TMEM51: variants seen among roughly 807,000 people sequenced by gnomAD.
TMEM51 encodes the protein transmembrane protein 51, also known as chromosome 1 open reading frame 72.
A neutral mutation model predicts 13.6 loss-of-function variants in TMEM51; 8 were observed. That is an observed-to-expected ratio of 0.59 (90% CI 0.35 to 1.07). The LOEUF (loss-of-function observed/expected upper bound fraction) is 1.07. Among genes scored for constraint, TMEM51 ranks in the 50% least tolerant of loss-of-function variants. The probability of loss-of-function intolerance (pLI) is 0.02; values close to 1 mark genes in which losing one functional copy is unlikely to be tolerated. For missense variants in TMEM51, 279 were observed against 330.7 expected (o/e 0.84, Z 1.21); for synonymous variants, 147 against 144.4 (o/e 1.02, Z -0.13).
At chr1:15,185,269 C>T (rs995726440) in intron 1 of TMEM51, among the ~76,000 whole-genome samples, 1 of 150,486 alleles carries the variant, frequency 6.6e-6, no homozygotes, top group Non-Finnish European at 1.5e-5. Flanking sequence ...GCCACATTGC[C>T]CAAAACTGTA....
intron 1 of TMEM51, among the ~76,000 whole-genome samples, chr1:15,157,530 T>C (rs1385553303): frequency 6.6e-6 from 1 of 152,130 alleles, no homozygotes; most frequent in East Asian, 1.9e-4. Context: ...GGATGATTCT[T>C]GAAAAACAAA....
rs1644407322 is a variant in TMEM51 at position 15,215,156 on chromosome 1, C to T, written c.69C>T (p.Val23=). ...CCGCCATCGGCCTGGGGATGCTGGTCCTTGGGGTGATCATGGCCATGTGGA... is the reference window on the plus strand; with the variant it reads ...CCGCCATCGGCCTGGGGATGCTGGTTCTTGGGGTGATCATGGCCATGTGGA... ...ALTAIGLGML[V]LGVIMAMWNL... Residue 23 remains valine, a synonymous_variant, in exon 3 of 4, where the codon GTC becomes GTT. Coordinates refer to ENST00000376008, the MANE Select transcript of TMEM51 (RefSeq NM_001136218.2). 1.2e-6 allele frequency: 2 copies of T among 1,614,052 alleles called. No individual in the cohort carries two copies. The highest frequency in any genetic ancestry group is 1.7e-5 in the Admixed American group (1 of 60,008).
rs180674783 is a variant in TMEM51, at chr1:15,161,312, G to A, written c.-267+7358G>A. The stretch of plus-strand genomic sequence containing the variant: ...GCTTGAGGTCAGGAGTTCACGACTA[G>A]CCTGGCCAACATGGTGAAACCCCAT... On this transcript the variant is annotated intron_variant, in intron 1 of 3. Coordinates refer to ENST00000376008, the MANE Select transcript of TMEM51 (RefSeq NM_001136218.2). This position sits in a 1 kb window ranked among gnomAD's most constrained non-coding sequence, Gnocchi z 4.0. Among the ~76,000 whole-genome samples, 4 of 151,964 alleles carry A rather than the reference G, an allele frequency of 2.6e-5. No homozygotes were observed. The East Asian group carries it at 7.8e-4, about 29-fold the overall frequency.
chr1:15,170,930 G>A (rs1181753919), intron 1 of TMEM51, among the ~76,000 whole-genome samples: 1 of 151,950 alleles, frequency 6.6e-6, no homozygotes, highest in East Asian at 1.9e-4. Context: ...GGGTTTAACC[G>A]TGTTAATCAG....
At position 15,203,285 on chromosome 1, in the gene TMEM51, G is replaced by A. The variant is rs142361925; in HGVS notation, c.-266-7205G>A. Among the ~76,000 whole-genome samples the A allele has an allele frequency of 2.8e-3, 421 of 152,116 alleles. 12 individuals are homozygous for A. The East Asian group carries it at 0.043, about 15-fold the overall frequency. ...TTTTTTGTTTTTGAGACAGAGTCTC[G>A]CTCTGTCACCCAGGCTGGAGTGCAG... On this transcript the variant is annotated intron_variant, in intron 1 of 3. Coordinates refer to ENST00000376008, the MANE Select transcript of TMEM51 (RefSeq NM_001136218.2).
At position 15,215,234 on chromosome 1, in the gene TMEM51, C is replaced by G. The variant is rs943803085; in HGVS notation, c.147C>G (p.Asn49Lys). ...AGAAGCCAACAGCTCAGGGCAGCAA[C>G]AAGACCGAGGTGGGTGGCGGCATCC... ...AAEKPTAQGS[N>K]KTEVGGGILK... Residue 49 changes from asparagine to lysine, a missense_variant, in exon 3 of 4, where the codon AAC becomes AAG. Coordinates refer to ENST00000376008, the MANE Select transcript of TMEM51 (RefSeq NM_001136218.2). 2 of 1,614,208 alleles carry G rather than the reference C, an allele frequency of 1.2e-6. No individual in the cohort carries two copies. The highest frequency in any genetic ancestry group is 1.7e-6 in the Non-Finnish European group (2 of 1,180,026).
chr1:15,199,901 TC>T (rs979339276), intron 1 of TMEM51, among the ~76,000 whole-genome samples: 10 of 152,098 alleles, frequency 6.6e-5, no homozygotes, highest in African/African-American at 2.4e-4. Context: ...AGCACTTCCT[TC>T]CCGGGGCTGC....
At chr1:15,215,469 G>A (rs1644416804) in intron 3 of TMEM51, 38 bp downstream of exon 3, 1 of 1,539,292 alleles carries the variant, frequency 6.5e-7, no homozygotes, top group Admixed American at 1.8e-5. Flanking sequence ...CCGGATCGGG[G>A]ATGGGCACGC....
intron 1 of TMEM51, chr1:15,192,470 T>TTTA (rs3078880): frequency 6.8e-5 from 17 of 250,822 alleles, no homozygotes; most frequent in African/African-American, 2.9e-4. Context: ...CCTTTTTTTT[T>TTTA]ATGACAGAAT....
At chr1:15,168,593 G>T (rs1392626647) in intron 1 of TMEM51, 2 of 1,304,648 alleles carry the variant, frequency 1.5e-6, no homozygotes, top group Non-Finnish European at 2.0e-6. Context: ...GCCTGGCTGA[G>T]CCAAGAGAGA....
intron 1 of TMEM51, among the ~76,000 whole-genome samples, chr1:15,203,776 T>C (rs947102804): frequency 8.3e-6 from 1 of 120,744 alleles, no homozygotes; most frequent in African/African-American, 2.6e-5. Context: ...TAATCAAAAC[T>C]CTGAGCTCGT....
At chr1:15,163,036 C>G (rs1013430741) in intron 1 of TMEM51, among the ~76,000 whole-genome samples, 4 of 151,928 alleles carry the variant, frequency 2.6e-5, no homozygotes, top group East Asian at 1.9e-4. Flanking sequence ...TTTTATCACA[C>G]TAAAAAGTTG....
chr1:15,164,586 T>C, intron 1 of TMEM51: 1 of 414,364 alleles, frequency 2.4e-6, no homozygotes, highest in South Asian at 1.7e-5. Context: ...ATTTCTCCAC[T>C]GTAAAGTTAC....
intron 1 of TMEM51, among the ~76,000 whole-genome samples, chr1:15,166,043 T>G (rs988729601): frequency 6.6e-6 from 1 of 152,242 alleles, no homozygotes; most frequent in African/African-American, 2.4e-5. Context: ...GATACCATCA[T>G]AGATATTTAT....
At chr1:15,164,016 G>A (rs1190343681) in intron 1 of TMEM51, among the ~76,000 whole-genome samples, 3 of 151,830 alleles carry the variant, frequency 2.0e-5, no homozygotes, top group African/African-American at 7.3e-5. Context: ...TTTTAGTAGA[G>A]ACAGGGTTTC....
intron 1 of TMEM51, among the ~76,000 whole-genome samples, chr1:15,181,653 G>T (rs561312562): frequency 1.3e-5 from 2 of 152,220 alleles, no homozygotes; most frequent in Non-Finnish European, 1.5e-5. Context: ...GCAGGTTCTC[G>T]ACCAGACGGG....
intron 3 of TMEM51, among the ~76,000 whole-genome samples, chr1:15,219,072 C>G (rs1294848159): frequency 9.1e-6 from 1 of 109,492 alleles, no homozygotes; most frequent in East Asian, 3.9e-4. Context: ...TGGGGACTCA[C>G]CTGTCCTGTC....
At chr1:15,183,963 C>T (rs72640801) in intron 1 of TMEM51, among the ~76,000 whole-genome samples, 19,714 of 152,302 alleles carry the variant, frequency 0.13, 1,618 homozygotes, top group Non-Finnish European at 0.18. Context: ...CAAGATCCAA[C>T]TCAGCAGGTC....
In TMEM51 at chr1:15,220,074, C is replaced by T. The variant is rs1424072299; in HGVS notation, c.*331C>T. Reference sequence around the variant, plus strand: ...CCTTTCCAGCTAGGAAAGGGTTCCTCGCGGCTGGTTTAGATTGTGGTTGTT... The same window carrying T: ...CCTTTCCAGCTAGGAAAGGGTTCCTTGCGGCTGGTTTAGATTGTGGTTGTT... On this transcript the variant is annotated 3_prime_UTR_variant, in exon 4 of 4. Transcript: ENST00000376008. 6.5e-6 allele frequency: 2 copies of T among 307,974 alleles called. No homozygotes were observed. 19.1% of individuals were successfully genotyped at this position (307,974 alleles called of 1,614,324 possible).
Sources: allele counts gnomAD v4.1 joint callset (sites outside exome capture counted in the v4.1 genomes callset), GRCh38; gene constraint gnomAD v4.1.1; non-coding constraint Gnocchi (gnomAD v3.1); transcripts MANE v1.5; gene names NCBI Gene and HGNC (gene_info 2026-07-23, HGNC 2026-07-21).